Variants in TLE4 observed in about 807,000 individuals in gnomAD.
TLE4 encodes the protein TLE family member 4, transcriptional corepressor.
A neutral mutation model predicts 92.8 loss-of-function variants in TLE4; 8 were observed. That is an observed-to-expected ratio of 0.09 (90% CI 0.05 to 0.16). The LOEUF (loss-of-function observed/expected upper bound fraction) is 0.16, where lower values mean the gene tolerates loss of function less well. Ranked by LOEUF, TLE4 falls within the 10% of genes least tolerant of loss-of-function variation. The probability of loss-of-function intolerance (pLI) is 1.00; values close to 1 mark genes in which losing one functional copy is unlikely to be tolerated. For missense variants in TLE4, 675 were observed against 997.6 expected (o/e 0.68, Z 4.36); for synonymous variants, 371 against 374.1 (o/e 0.99, Z 0.10).
intron 4 of TLE4, among the ~76,000 whole-genome samples, chr9:79,588,135 C>CGTGTGTGTGTGTGTGT (rs71364418): frequency 0.028 from 4,166 of 146,744 alleles, 101 homozygotes; most frequent in Admixed American, 0.071. Flanking sequence ...TTTATCCTTG[C>CGTGTGTGTGTGTGTGT]GTGTGTGTGT....
intron 5 of TLE4, among the ~76,000 whole-genome samples, chr9:79,624,979 C>T (rs892943277): frequency 6.7e-6 from 1 of 150,066 alleles, no homozygotes; most frequent in African/African-American, 2.5e-5. Flanking sequence ...GTTTCAGTTC[C>T]GAAGTTTTAA....
chr9:79,633,026 G>A (rs943476628), intron 6 of TLE4, among the ~76,000 whole-genome samples: 26 of 152,124 alleles, frequency 1.7e-4, no homozygotes, highest in Non-Finnish European at 2.5e-4. Context: ...TCTTCTGTGG[G>A]TGTGCCTGCC....
intron 8 of TLE4, among the ~76,000 whole-genome samples, chr9:79,671,961 C>A (rs147198073): frequency 1.4e-3 from 191 of 136,372 alleles, no homozygotes; most frequent in Non-Finnish European, 2.5e-3. Flanking sequence ...AGATTTTATA[C>A]GGCCTATGCT....
rs762663482 is a variant in TLE4, at chr9:79,723,040, C to G, written c.2214+5C>G. The G allele has an allele frequency of 3.7e-6, 6 of 1,613,294 alleles. No homozygotes were observed. Among genetic ancestry groups the G allele is most frequent in the Non-Finnish European group, 5.1e-6 (6 of 1,179,486 alleles). On this transcript the variant is annotated splice_donor_5th_base_variant and intron_variant, in intron 19 of 19. Coordinates refer to ENST00000376552, the MANE Select transcript of TLE4 (RefSeq NM_007005.6). ...TATGGGGCCAGTATATTCCAGGTAA[C>G]ATGGAACTTGTTAACTACCACTTAT...
In TLE4 at chr9:79,725,567, A is replaced by C. The variant is rs2076308635; in HGVS notation, c.*423A>C. The C allele has an allele frequency of 6.1e-6, 1 of 162,986 alleles. No individual in the cohort carries two copies. Among genetic ancestry groups the C allele is most frequent in the Non-Finnish European group, 1.3e-5 (1 of 74,608 alleles). 10.1% of individuals were successfully genotyped at this position (162,986 alleles called of 1,614,324 possible). A position where few individuals can be genotyped will look rare whatever the true frequency, so the allele number is the denominator to read the frequency against. ...GCAAAGGAGGGGAAAGGAAGGTTTAAAATAATTGATTTAAAATGTCACTAA... is the reference window on the plus strand; with the variant it reads ...GCAAAGGAGGGGAAAGGAAGGTTTACAATAATTGATTTAAAATGTCACTAA... On this transcript the variant is annotated 3_prime_UTR_variant, in exon 20 of 20. Transcript: ENST00000376552.
At chr9:79,654,211 A>G in intron 8 of TLE4, 136 bp downstream of exon 8, 1 of 832,440 alleles carries the variant, frequency 1.2e-6, no homozygotes, top group Admixed American at 3.0e-5. Context: ...TTTTAAAATT[A>G]CTTTCAGGTG....
chr9:79,714,657 T>A (rs772764132), intron 14 of TLE4, among the ~76,000 whole-genome samples: 1 of 152,266 alleles, frequency 6.6e-6, no homozygotes, highest in Non-Finnish European at 1.5e-5. Context: ...TCCATTAGAA[T>A]GTGACCTGAT....
intron 6 of TLE4, among the ~76,000 whole-genome samples, chr9:79,648,274 T>C (rs2058409747): frequency 6.6e-6 from 1 of 152,178 alleles, no homozygotes; most frequent in African/African-American, 2.4e-5. Flanking sequence ...CTGAGCTAGG[T>C]GCCAGGGGTA....
In TLE4 at chr9:79,654,089, T is replaced by A; in HGVS notation, c.609+14T>A. 1.9e-6 allele frequency: 3 copies of A among 1,612,620 alleles called. No homozygotes were observed. Among genetic ancestry groups the A allele is most frequent in the Non-Finnish European group, 2.5e-6 (3 of 1,178,798 alleles). ...GACTCCATCAAGGTAGGACTCAAAA[T>A]TTACAGACTAAGGAATGGCTTAAAA... On this transcript the variant is annotated intron_variant, in intron 8 of 19. Transcript: ENST00000376552.
At chr9:79,706,101 G>A (rs1463558272) in intron 10 of TLE4, among the ~76,000 whole-genome samples, 159 bp downstream of exon 10, 2 of 152,162 alleles carry the variant, frequency 1.3e-5, no homozygotes, top group African/African-American at 2.4e-5. Flanking sequence ...CTAGAGTACA[G>A]TATTGTGACC....
At chr9:79,715,146 G>A (rs2074238266) in intron 14 of TLE4, among the ~76,000 whole-genome samples, 1 of 152,164 alleles carries the variant, frequency 6.6e-6, no homozygotes. Flanking sequence ...TGAAGGCCTT[G>A]AAGGAAATTG....
At chr9:79,627,774 TTA>T in intron 6 of TLE4, 1 of 258,248 alleles carries the variant, frequency 3.9e-6, no homozygotes. Context: ...TGCCCTGACG[TTA>T]AAATGACCTG....
chr9:79,719,988 T>C lies in TLE4; in HGVS notation c.1591-58T>C, dbSNP rs531914553. 275 of 1,551,058 alleles carry C rather than the reference T, an allele frequency of 1.8e-4. No individual in the cohort carries two copies. In the African/African-American group the frequency reaches 3.1e-3, roughly 18 times the overall value. Reference sequence around the variant, plus strand: ...ATACTTTTATGGATTTCTGCTCTCATGTTAATGCTGTTTTCCTTTCCTCAT... The same window carrying C: ...ATACTTTTATGGATTTCTGCTCTCACGTTAATGCTGTTTTCCTTTCCTCAT... On this transcript the variant is annotated intron_variant, in intron 15 of 19. Transcript: ENST00000376552.
chr9:79,676,559 CAAAG>C (rs1254753610), intron 8 of TLE4, among the ~76,000 whole-genome samples: 1 of 151,976 alleles, frequency 6.6e-6, no homozygotes, highest in Non-Finnish European at 1.5e-5. Context: ...GAAAGGAAAA[CAAAG>C]AAAAGTAGGA....
intron 8 of TLE4, among the ~76,000 whole-genome samples, chr9:79,686,140 A>C (rs2065802920): frequency 6.6e-6 from 1 of 152,174 alleles, no homozygotes; most frequent in Admixed American, 6.5e-5. Context: ...TTATATGCAG[A>C]TACTATATCA....
intron 4 of TLE4, among the ~76,000 whole-genome samples, chr9:79,608,395 T>TC (rs1431930682): frequency 1.3e-5 from 2 of 152,214 alleles, no homozygotes; most frequent in East Asian, 3.9e-4. Flanking sequence ...ATTGCAGTCT[T>TC]TGTTCTCTAG....
chr9:79,700,495 G>T (rs1046980173), intron 8 of TLE4, among the ~76,000 whole-genome samples: 4 of 152,188 alleles, frequency 2.6e-5, no homozygotes, highest in Non-Finnish European at 4.4e-5. Flanking sequence ...TTGGTCAACA[G>T]CCCTAGTAAA....
chr9:79,595,422 T>TA (rs1442136037), intron 4 of TLE4, among the ~76,000 whole-genome samples: 5 of 152,152 alleles, frequency 3.3e-5, no homozygotes, highest in African/African-American at 1.2e-4. Flanking sequence ...TCTTTATTTT[T>TA]AAAAAACAAA....
At chr9:79,677,640 G>A (rs114473501) in intron 8 of TLE4, among the ~76,000 whole-genome samples, 11 of 141,196 alleles carry the variant, frequency 7.8e-5, no homozygotes, top group Admixed American at 3.6e-4. Flanking sequence ...ACAATTCTGC[G>A]TTTTGAATTG....
Sources: gnomAD v4.1 joint callset for allele counts (sites outside exome capture counted in the v4.1 genomes callset) on GRCh38, gnomAD v4.1.1 for gene constraint, MANE v1.5 for transcripts, NCBI Gene and HGNC (gene_info 2026-07-23, HGNC 2026-07-21) for gene names.